ASIC2: variants seen among roughly 807,000 people sequenced by gnomAD.
The protein encoded by ASIC2 is acid sensing ion channel subunit 2, also known as acid-sensing ion channel 2.
Under a neutral mutation model 57.3 loss-of-function variants are expected in ASIC2, and 25 were observed. The ratio of observed to expected loss-of-function variants is 0.44; its 90% CI spans 0.32 to 0.61. ASIC2 has a LOEUF of 0.61. Among genes scored for constraint, ASIC2 ranks in the 20% least tolerant of loss-of-function variants. ASIC2 has a pLI of 0.06. For missense variants in ASIC2, 641 were observed against 738.1 expected, an observed-to-expected ratio of 0.87 and a Z score of 1.52; for synonymous variants, 319 against 307.5, an observed-to-expected ratio of 1.04 and a Z score of -0.39.
At chr17:33,028,511 T>G in intron 3 of ASIC2, 119 bp from the exon 4 acceptor site, 1 of 1,263,358 alleles carries the variant, frequency 7.9e-7, no homozygotes, top group Non-Finnish European at 1.1e-6. Flanking sequence ...TTTATAGACC[T>G]TCAACATCTG....
chr17:34,126,842 T>C (rs1489175914), intron 1 of ASIC2, among the ~76,000 whole-genome samples: 1 of 152,166 alleles, frequency 6.6e-6, no homozygotes, highest in African/African-American at 2.4e-5. Flanking sequence ...AGGCGCTGCA[T>C]TTCTACCCAG....
At chr17:34,072,496 T>G (rs1909453034) in intron 1 of ASIC2, among the ~76,000 whole-genome samples, 1 of 152,244 alleles carries the variant, frequency 6.6e-6, no homozygotes, top group Admixed American at 6.5e-5. Context: ...GCTAGTGCTT[T>G]AAAAACTTGA....
chr17:33,574,909 A>G (rs1916569343), intron 1 of ASIC2, among the ~76,000 whole-genome samples: 1 of 150,918 alleles, frequency 6.6e-6, no homozygotes, highest in Non-Finnish European at 1.5e-5. Flanking sequence ...TATTTTATAG[A>G]TGAGGAAAAT....
chr17:33,022,248 C>T (rs979557537), intron 6 of ASIC2, among the ~76,000 whole-genome samples: 11 of 152,258 alleles, frequency 7.2e-5, no homozygotes, highest in South Asian at 6.2e-4. Context: ...TCTCTATCGC[C>T]GCCTGAAGGA....
chr17:33,963,527 G>T (rs1485141979), intron 1 of ASIC2, among the ~76,000 whole-genome samples: 1 of 152,142 alleles, frequency 6.6e-6, no homozygotes, highest in Non-Finnish European at 1.5e-5. Flanking sequence ...ACTTAAATAT[G>T]CATTGGACAG....
chr17:33,436,258 A>G (rs1911603718), intron 1 of ASIC2, among the ~76,000 whole-genome samples: 1 of 152,250 alleles, frequency 6.6e-6, no homozygotes, highest in South Asian at 2.1e-4. Flanking sequence ...ATGAAAGGCC[A>G]CAGGCTTAGG....
chr17:33,689,191 C>CT lies in ASIC2; in HGVS notation c.555+466786dup, dbSNP rs1346740457. 3.3e-5 allele frequency: 5 copies of CT among 152,316 alleles called. No homozygotes were observed. In the East Asian group the frequency reaches 9.6e-4, roughly 29 times the overall value. The allele number at this position is 152,316 out of a possible 1,614,324, so 9.4% of individuals were successfully genotyped here. ...ATCTAAATATCCATGTGCTTGTTTA[C>CT]TTTTCCCCCTTAGATAATGGACTGT... On this transcript the variant is annotated intron_variant, in intron 1 of 9. Transcript: ENST00000359872.
chr17:33,348,163 A>G (rs1368257653), intron 1 of ASIC2, among the ~76,000 whole-genome samples: 1 of 152,190 alleles, frequency 6.6e-6, no homozygotes, highest in African/African-American at 2.4e-5. Flanking sequence ...GAGAGGCCAA[A>G]GCATGGATGG....
intron 1 of ASIC2, among the ~76,000 whole-genome samples, chr17:34,088,492 A>G (rs1206499794): frequency 6.6e-6 from 1 of 152,104 alleles, no homozygotes; most frequent in African/African-American, 2.4e-5. Context: ...GGGGTCAGGG[A>G]CCCACTTGAG....
chr17:33,345,299 T>C (rs1376592946), intron 1 of ASIC2, among the ~76,000 whole-genome samples: 1 of 152,192 alleles, frequency 6.6e-6, no homozygotes, highest in African/African-American at 2.4e-5. Flanking sequence ...TCTTTCTGAG[T>C]GTCAGGTATG....
intron 1 of ASIC2, among the ~76,000 whole-genome samples, chr17:34,155,084 C>G (rs1273402674): frequency 2.0e-5 from 3 of 152,036 alleles, no homozygotes; most frequent in Admixed American, 1.3e-4. Flanking sequence ...CCACACTCCT[C>G]CCCCAGGCTT....
At chr17:34,000,946 T>C (rs1906319181) in intron 1 of ASIC2, 1 of 152,230 alleles carries the variant, frequency 6.6e-6, no homozygotes, top group African/African-American at 2.4e-5. Flanking sequence ...TGTCTCTTTG[T>C]TGAACTTCTC....
At chr17:33,777,189 T>C (rs540234911) in intron 1 of ASIC2, among the ~76,000 whole-genome samples, 2 of 152,382 alleles carry the variant, frequency 1.3e-5, no homozygotes, top group South Asian at 4.1e-4. Flanking sequence ...AATTCCTGAA[T>C]TCCCTGAGCT....
intron 1 of ASIC2, among the ~76,000 whole-genome samples, chr17:33,897,723 G>A (rs1385577105): frequency 6.6e-6 from 1 of 152,194 alleles, no homozygotes; most frequent in Non-Finnish European, 1.5e-5. Flanking sequence ...TGAAATTCTA[G>A]TTTCCTAGCT....
chr17:33,049,002 T>C (rs1169151148), intron 3 of ASIC2, among the ~76,000 whole-genome samples: 2 of 152,178 alleles, frequency 1.3e-5, no homozygotes, highest in Non-Finnish European at 2.9e-5. Flanking sequence ...CAGGATGCCA[T>C]GTGGGCTTCC....
intron 1 of ASIC2, among the ~76,000 whole-genome samples, chr17:33,452,100 G>A (rs748619007): frequency 6.6e-6 from 1 of 152,358 alleles, no homozygotes; most frequent in Middle Eastern, 3.4e-3. Flanking sequence ...AGTTAGAGCT[G>A]CATGTAAATT....
intron 1 of ASIC2, among the ~76,000 whole-genome samples, chr17:33,319,824 G>C (rs1906799934): frequency 6.6e-6 from 1 of 152,202 alleles, no homozygotes; most frequent in Admixed American, 6.5e-5. Context: ...ATGAGCCACT[G>C]TGCCTGGTCT....
intron 1 of ASIC2, among the ~76,000 whole-genome samples, chr17:33,424,143 A>G (rs1039154929): frequency 6.6e-6 from 1 of 152,162 alleles, no homozygotes; most frequent in African/African-American, 2.4e-5. Flanking sequence ...ATGCCACTTC[A>G]GAGCAGGGCC....
chr17:34,147,062 AATAG>A (rs1489627220), intron 1 of ASIC2: 1 of 152,270 alleles, frequency 6.6e-6, no homozygotes, highest in African/African-American at 2.4e-5. Flanking sequence ...TAAATAGATA[AATAG>A]ATCTGGTGGC....
Sources: gnomAD v4.1 joint callset for allele counts (sites outside exome capture counted in the v4.1 genomes callset) on GRCh38, gnomAD v4.1.1 for gene constraint, MANE v1.5 for transcripts, NCBI Gene and HGNC (gene_info 2026-07-23, HGNC 2026-07-21) for gene names.